Variants in RANBP17 observed in about 807,000 individuals in gnomAD.
RANBP17 encodes the protein ran-binding protein 17.
RANBP17 carries 158 observed loss-of-function variants against 141.2 expected under a neutral mutation model. The ratio of observed to expected loss-of-function variants is 1.12; its 90% CI spans 0.98 to 1.28. RANBP17 has a LOEUF of 1.28. Ranked by LOEUF, RANBP17 falls within the 50% of genes most tolerant of loss-of-function variation. The pLI, the probability that RANBP17 is intolerant of heterozygous loss-of-function variation, is 0.00. For synonymous variants in RANBP17, 430 were observed against 450.0 expected, an observed-to-expected ratio of 0.96 and a Z score of 0.56; for missense variants, 1,438 against 1,290.7, an observed-to-expected ratio of 1.11 and a Z score of -1.75.
chr5:170,923,953 T>A (rs1772691605), intron 11 of RANBP17, among the ~76,000 whole-genome samples: 1 of 152,012 alleles, frequency 6.6e-6, no homozygotes, highest in Admixed American at 6.6e-5. Flanking sequence ...CAGTTTTATT[T>A]TTTACCTTCT....
chr5:171,065,352 A>G (rs990440268), intron 14 of RANBP17, among the ~76,000 whole-genome samples: 5 of 152,140 alleles, frequency 3.3e-5, no homozygotes, highest in Admixed American at 2.0e-4. Flanking sequence ...ACCTCAGACC[A>G]TCAGGCATCA....
intron 14 of RANBP17, among the ~76,000 whole-genome samples, chr5:171,109,314 A>C (rs1231493145): frequency 1.3e-5 from 2 of 152,192 alleles, no homozygotes; most frequent in Non-Finnish European, 2.9e-5. Flanking sequence ...GTTTGTTTTT[A>C]AGCTATAGTT....
At chr5:170,888,358 T>G in intron 3 of RANBP17, among the ~76,000 whole-genome samples, 1 of 152,324 alleles carries the variant, frequency 6.6e-6, no homozygotes, top group Middle Eastern at 3.4e-3. Context: ...TAATATGTAT[T>G]CATTTATTTA....
intron 25 of RANBP17, among the ~76,000 whole-genome samples, chr5:171,279,292 C>A (rs1034828186): frequency 6.6e-6 from 1 of 152,170 alleles, no homozygotes; most frequent in African/African-American, 2.4e-5. Flanking sequence ...CCATTATGTG[C>A]TATTATAGCA....
At chr5:171,097,390 A>T (rs1346880516) in intron 14 of RANBP17, among the ~76,000 whole-genome samples, 1 of 152,070 alleles carries the variant, frequency 6.6e-6, no homozygotes, top group East Asian at 1.9e-4. Flanking sequence ...TTAGACCATA[A>T]GCTCCTTGGA....
At chr5:170,874,532 A>G (rs563034269) in intron 1 of RANBP17, among the ~76,000 whole-genome samples, 1 of 152,232 alleles carries the variant, frequency 6.6e-6, no homozygotes, top group East Asian at 1.9e-4. Context: ...TTGCATATAT[A>G]TTTAGGATAG....
intron 19 of RANBP17, among the ~76,000 whole-genome samples, chr5:171,200,964 A>T (rs1380678609): frequency 6.6e-6 from 1 of 152,218 alleles, no homozygotes; most frequent in African/African-American, 2.4e-5. Context: ...TATCTTTTAG[A>T]TGTCTTCCAA....
intron 14 of RANBP17, among the ~76,000 whole-genome samples, chr5:171,080,021 AGATAAACT>A (rs1404466883): frequency 6.6e-6 from 1 of 152,170 alleles, no homozygotes; most frequent in Non-Finnish European, 1.5e-5. Flanking sequence ...TGAGAGATGG[AGATAAACT>A]GATCCTGATA....
At chr5:171,237,684 C>G (rs1362795931) in intron 22 of RANBP17, among the ~76,000 whole-genome samples, 1 of 152,154 alleles carries the variant, frequency 6.6e-6, no homozygotes, top group Non-Finnish European at 1.5e-5. Flanking sequence ...ACAGTAGTAC[C>G]AAAGTAGCAG....
intron 24 of RANBP17, among the ~76,000 whole-genome samples, chr5:171,256,050 C>T (rs1274196666): frequency 6.6e-6 from 1 of 152,142 alleles, no homozygotes; most frequent in East Asian, 1.9e-4. Flanking sequence ...TGGTAACCAT[C>T]GGTATAGGGT....
chr5:171,292,223 T>TA (rs1360295855), intron 25 of RANBP17, among the ~76,000 whole-genome samples: 1 of 152,230 alleles, frequency 6.6e-6, no homozygotes, highest in African/African-American at 2.4e-5. Context: ...AGACTGGACA[T>TA]ACCATAAATA....
intron 11 of RANBP17, among the ~76,000 whole-genome samples, chr5:170,921,671 C>G (rs966156789): frequency 6.6e-6 from 1 of 152,068 alleles, no homozygotes; most frequent in Non-Finnish European, 1.5e-5. Flanking sequence ...CTATAAATTA[C>G]CTTGGGCAGT....
In RANBP17 at chr5:171,265,705, G is replaced by A; in HGVS notation, c.2801G>A (p.Cys934Tyr). The change falls in exon 25 of 28, where the codon TGT becomes TAT. Residue 934 changes from cysteine to tyrosine, a missense_variant. Cys to Tyr is a radical substitution (Grantham distance 194, BLOSUM62 -2). Coordinates refer to ENST00000523189, the MANE Select transcript of RANBP17 (RefSeq NM_022897.5). Reference sequence around the variant, plus strand: ...GATACAGTTGTCTCCTCCAGCTGCTGTACCAGTTTAGACTACATCGTCACC... The same window carrying A: ...GATACAGTTGTCTCCTCCAGCTGCTATACCAGTTTAGACTACATCGTCACC... ...TLDTVVSSSC[C>Y]TSLDYIVTYL... 2 of 1,613,658 alleles carry A rather than the reference G, an allele frequency of 1.2e-6. No individual in the cohort carries two copies. The highest frequency in any genetic ancestry group is 1.3e-5 in the African/African-American group (1 of 75,018).
intron 14 of RANBP17, among the ~76,000 whole-genome samples, chr5:171,066,320 A>C (rs245763): frequency 4.6e-5 from 7 of 151,910 alleles, no homozygotes; most frequent in Non-Finnish European, 5.9e-5. Flanking sequence ...TCTGTCCCCA[A>C]CTTCACCTTC....
At chr5:171,110,280 T>C (rs1755132482) in intron 14 of RANBP17, among the ~76,000 whole-genome samples, 1 of 151,964 alleles carries the variant, frequency 6.6e-6, no homozygotes, top group Non-Finnish European at 1.5e-5. Flanking sequence ...ATAGGATTGA[T>C]ATGAAGATTA....
At position 170,887,257 on chromosome 5, in the gene RANBP17, T is replaced by C. The variant is rs191568662; in HGVS notation, c.257-5130T>C. Among the ~76,000 whole-genome samples, 4 of 152,338 alleles carry C rather than the reference T, an allele frequency of 2.6e-5. No individual in the cohort carries two copies. In the East Asian group the frequency reaches 7.7e-4, roughly 29 times the overall value. On this transcript the variant is annotated intron_variant, in intron 3 of 27. Coordinates refer to ENST00000523189, the MANE Select transcript of RANBP17 (RefSeq NM_022897.5). ...GGCTTATCTTTTTATTCTCTTGACA[T>C]TGTCTTTTGCAGAGCAGAAATTTTT... is the stretch of plus-strand genomic sequence containing the variant.
chr5:170,868,090 T>C (rs1439862486), intron 1 of RANBP17, among the ~76,000 whole-genome samples: 1 of 152,192 alleles, frequency 6.6e-6, no homozygotes, highest in Non-Finnish European at 1.5e-5. Flanking sequence ...GACTTTTTAC[T>C]TGCTATATAA....
At chr5:171,178,833 C>T (rs1460939384) in intron 16 of RANBP17, among the ~76,000 whole-genome samples, 4 of 152,152 alleles carry the variant, frequency 2.6e-5, no homozygotes, top group Non-Finnish European at 5.9e-5. Flanking sequence ...TGAGAAGTGT[C>T]TGTTCCTATC....
At chr5:171,244,844 G>T (rs1200087569) in intron 24 of RANBP17, among the ~76,000 whole-genome samples, 1 of 151,928 alleles carries the variant, frequency 6.6e-6, no homozygotes, top group Non-Finnish European at 1.5e-5. Context: ...ATTTATAATA[G>T]GCCAGGCGCG....
Sources: allele counts gnomAD v4.1 joint callset (sites outside exome capture counted in the v4.1 genomes callset), GRCh38; gene constraint gnomAD v4.1.1; transcripts MANE v1.5; gene names NCBI Gene and HGNC (gene_info 2026-07-23, HGNC 2026-07-21).